The following PODN variants were observed in gnomAD, a reference collection of about 807,000 sequenced individuals.
The protein encoded by PODN is podocan proteoglycan.
A neutral mutation model predicts 52.7 loss-of-function variants in PODN; 40 were observed. The ratio of observed to expected loss-of-function variants is 0.76; its 90% CI spans 0.59 to 0.99. The LOEUF is 0.99. PODN is among the 50% of genes least tolerant of loss of function. The pLI is 0.00. For missense variants in PODN, 720 were observed against 815.1 expected, an observed-to-expected ratio of 0.88 and a Z score of 1.42; for synonymous variants, 396 against 377.9, an observed-to-expected ratio of 1.05 and a Z score of -0.56.
intron 10 of PODN, among the ~76,000 whole-genome samples, chr1:53,082,933 C>T (rs1005738081): frequency 9.9e-5 from 15 of 152,228 alleles, no homozygotes; most frequent in African/African-American, 2.9e-4. Context: ...CGGGCCCTTA[C>T]ATGCACACCT....
chr1:53,077,162 G>A (rs1424291048), intron 5 of PODN, 28 bp from the exon 6 acceptor site: 2 of 1,609,478 alleles, frequency 1.2e-6, no homozygotes, highest in Non-Finnish European at 1.7e-6. Context: ...GAGCCCAGGT[G>A]GGTGAGGACC....
intron 1 of PODN, among the ~76,000 whole-genome samples, chr1:53,069,503 T>C (rs1531699): frequency 0.049 from 7,468 of 152,062 alleles, 293 homozygotes; most frequent in East Asian, 0.2. Flanking sequence ...ATAGCAAGGG[T>C]TCAGCACAGT....
chr1:53,071,702 C>T, intron 3 of PODN, 74 bp downstream of exon 3: 1 of 1,420,122 alleles, frequency 7.0e-7, no homozygotes. Flanking sequence ...GCTGGGTGCC[C>T]AGGGGGAGAG....
chr1:53,082,564 AG>A (rs1644311062), intron 10 of PODN, among the ~76,000 whole-genome samples: 1 of 152,088 alleles, frequency 6.6e-6, no homozygotes, highest in Non-Finnish European at 1.5e-5. Context: ...AGAGTGAGTG[AG>A]GGGGGCAGGT....
intron 1 of PODN, chr1:53,063,290 TC>T: frequency 1.1e-6 from 1 of 922,162 alleles, no homozygotes; most frequent in Non-Finnish European, 1.3e-6. Context: ...ACTGAGCTGG[TC>T]CGGGAGGCGC....
chr1:53,077,211 C>T lies in PODN; in HGVS notation c.603C>T (p.Asn201=), dbSNP rs1212496347. The T allele has an allele frequency of 1.4e-5, 22 of 1,613,270 alleles. No individual in the cohort carries two copies. The highest frequency in any genetic ancestry group is 1.8e-5 in the Non-Finnish European group (21 of 1,180,016). Residue 201 remains asparagine (N), a synonymous_variant, in exon 6 of 11, where the codon AAC becomes AAT. Coordinates refer to ENST00000312553, the MANE Select transcript of PODN (RefSeq NM_153703.5). The part of the protein sequence containing the change: ...PNLRSVYLHN[N]KLADAGLPDN... ...CCAGGTCTGTGTACCTGCACAACAACAAGCTGGCAGACGCCGGGCTGCCGG... is the reference window on the plus strand; with the variant it reads ...CCAGGTCTGTGTACCTGCACAACAATAAGCTGGCAGACGCCGGGCTGCCGG...
intron 9 of PODN, among the ~76,000 whole-genome samples, chr1:53,081,110 GA>G (rs1257037278): frequency 1.1e-4 from 17 of 152,268 alleles, no homozygotes; most frequent in Admixed American, 3.3e-4. Context: ...TACTGTGGCA[GA>G]AAGGATGCTG....
rs755277850 is a variant in PODN at position 53,078,359 on chromosome 1, C to T, written c.855-6C>T. 3 of 1,605,344 alleles carry T rather than the reference C, an allele frequency of 1.9e-6. No homozygotes were observed. In the East Asian group the frequency reaches 6.7e-5, roughly 36 times the overall value. The stretch of plus-strand genomic sequence containing the variant: ...GCCAACCGTCCTAATTCCCTCCCTG[C>T]CCCAGGAAGCTCTCCAGCCTGGAGT... On this transcript the variant is annotated splice_region_variant and splice_polypyrimidine_tract_variant and intron_variant, in intron 7 of 10. Coordinates refer to ENST00000312553, the MANE Select transcript of PODN (RefSeq NM_153703.5).
intron 1 of PODN, among the ~76,000 whole-genome samples, chr1:53,062,827 C>T (rs1359239374): frequency 4.6e-5 from 7 of 152,232 alleles, no homozygotes. Flanking sequence ...CCCCAGGGCG[C>T]GTCGGACGCC....
At chr1:53,077,929 T>C (rs1475952241) in intron 7 of PODN, 129 bp downstream of exon 7, 2 of 688,114 alleles carry the variant, frequency 2.9e-6, no homozygotes, top group Non-Finnish European at 4.9e-6. Context: ...GAAGGAACTT[T>C]AAGCCTTGTG....
At chr1:53,065,841 G>A (rs1227899283) in intron 1 of PODN, among the ~76,000 whole-genome samples, 1 of 152,150 alleles carries the variant, frequency 6.6e-6, no homozygotes, top group East Asian at 1.9e-4. Flanking sequence ...CCCCTTGCTT[G>A]TATGACCCTT....
Position 53,082,002 on chromosome 1 carries a change from C to A in PODN, c.1683C>A (p.Gly561=). The A allele has an allele frequency of 6.2e-7, 1 of 1,605,432 alleles. No homozygotes were observed. The highest frequency in any genetic ancestry group is 1.3e-5 in the African/African-American group (1 of 74,572). ...IFLRFNKLAV[G]SVVDSAFRRL... is the part of the protein sequence containing the mutation. ...ACAGGTTTAACAAGCTGGCTGTGGG[C>A]TCCGTGGTGGACAGTGCCTTCCGGA... is the stretch of plus-strand genomic sequence containing the variant. Residue 561 remains glycine, a synonymous_variant, in exon 10 of 11, where the codon GGC becomes GGA. Transcript: ENST00000312553.
At chr1:53,075,543 G>A (rs1053228741) in intron 4 of PODN, among the ~76,000 whole-genome samples, 2 of 152,180 alleles carry the variant, frequency 1.3e-5, no homozygotes, top group Admixed American at 6.5e-5. Flanking sequence ...CACACCCATC[G>A]CTTCTTGGTC....
At chr1:53,080,219 T>G (rs766082362) in intron 8 of PODN, among the ~76,000 whole-genome samples, 1 of 152,208 alleles carries the variant, frequency 6.6e-6, no homozygotes, top group Non-Finnish European at 1.5e-5. Flanking sequence ...CCGTTGCTCC[T>G]GACCTCTGCA....
chr1:53,075,902 G>C lies in PODN; in HGVS notation c.512G>C (p.Ser171Thr). The C allele has an allele frequency of 1.2e-6, 2 of 1,606,708 alleles. No homozygotes were observed. Among genetic ancestry groups the C allele is most frequent in the Non-Finnish European group, 1.7e-6 (2 of 1,175,966 alleles). The stretch of plus-strand genomic sequence containing the variant: ...CGCTTCCTGCCAAACGCCCTGATCA[G>C]TGTGGACTTTGCTGCCAACTATCTC... Reference protein sequence around the residue: ...APRFLPNALISVDFAANYLTK... With the variant: ...APRFLPNALITVDFAANYLTK... The change falls in exon 5 of 11, where the codon AGT becomes ACT. Residue 171 changes from serine (S) to threonine (T), a missense_variant. Ser to Thr is a moderately conservative substitution (Grantham distance 58). Transcript: ENST00000312553.
In PODN at chr1:53,077,354, G is replaced by A; in HGVS notation, c.738+8G>A. 6.2e-7 allele frequency: 1 copy of A among 1,612,802 alleles called. No individual in the cohort carries two copies. Among genetic ancestry groups the A allele is most frequent in the Non-Finnish European group, 8.5e-7 (1 of 1,179,846 alleles). On this transcript the variant is annotated splice_region_variant and intron_variant, in intron 6 of 10. Transcript: ENST00000312553. ...TACAAGCTGCACCTCAAGGTGGGCA[G>A]GGGAGGGGTAAGGAGGGGCACAGCA...
rs149290684 is a variant in PODN, at chr1:53,077,150, G to T, written c.582-40G>T. On this transcript the variant is annotated intron_variant, in intron 5 of 10. Transcript: ENST00000312553. ...ACCAGTTGAGCTGGCGCAGGGCCTG[G>T]GGAGCCCAGGTGGGTGAGGACCTGT... 1.5e-4 allele frequency: 237 copies of T among 1,604,880 alleles called. 1 individual carries two copies. In the African/African-American group the frequency reaches 2.8e-3, roughly 19 times the overall value.
intron 10 of PODN, among the ~76,000 whole-genome samples, chr1:53,082,464 G>C (rs558167319): frequency 3.9e-5 from 6 of 152,306 alleles, no homozygotes; most frequent in Non-Finnish European, 7.4e-5. Flanking sequence ...GGGCTCAGGA[G>C]TGAGGTCTGG....
rs199973932 is a variant in PODN, at chr1:53,074,629, C to T, written c.430C>T (p.His144Tyr). The T allele has an allele frequency of 6.2e-7, 1 of 1,614,082 alleles. No homozygotes were observed. The highest frequency in any genetic ancestry group is 8.5e-7 in the Non-Finnish European group (1 of 1,180,012). ...AGGGCTCCCAGAGAAGGCGTTTGAG[C>T]ATCTGACCAACCTCAATTACCTGTA... Reference protein sequence around the residue: ...SRGLPEKAFEHLTNLNYLYLA... With the variant: ...SRGLPEKAFEYLTNLNYLYLA... Residue 144 changes from histidine to tyrosine, a missense_variant, in exon 4 of 11, where the codon CAT becomes TAT. His to Tyr is a moderately conservative substitution (Grantham distance 83). Coordinates refer to ENST00000312553, the MANE Select transcript of PODN (RefSeq NM_153703.5).
Sources: gnomAD v4.1 joint callset for allele counts (sites outside exome capture counted in the v4.1 genomes callset) on GRCh38, gnomAD v4.1.1 for gene constraint, MANE v1.5 for transcripts, NCBI Gene and HGNC (gene_info 2026-07-23, HGNC 2026-07-21) for gene names.